The following CCDC12 variants were observed in gnomAD, a reference collection of about 807,000 sequenced individuals.
CCDC12 encodes the protein coiled-coil domain containing 12, also known as coiled-coil domain-containing protein 12.
A neutral mutation model predicts 25.7 loss-of-function variants in CCDC12; 28 were observed. The ratio of observed to expected loss-of-function variants is 1.09; its 90% CI spans 0.81 to 1.50. CCDC12 has a LOEUF of 1.50. Among genes scored for constraint, CCDC12 ranks in the 40% most tolerant of loss-of-function variants. CCDC12 has a pLI of 0.00. For missense variants in CCDC12, 198 were observed against 210.0 expected (o/e 0.94, Z 0.35); for synonymous variants, 75 against 87.7 (o/e 0.86, Z 0.81).
chr3:46,951,571 G>GAGAT (rs1406577955), intron 1 of CCDC12, among the ~76,000 whole-genome samples: 1 of 150,396 alleles, frequency 6.6e-6, no homozygotes, highest in Non-Finnish European at 1.5e-5. Flanking sequence ...ACGAGGTCAG[G>GAGAT]AGATCAAGAC....
chr3:46,932,602 A>G (rs1412093265), intron 2 of CCDC12, among the ~76,000 whole-genome samples: 1 of 152,208 alleles, frequency 6.6e-6, no homozygotes, highest in Middle Eastern at 3.2e-3. Flanking sequence ...CCACACAAAG[A>G]GGACAAGGTC....
chr3:46,957,729 GT>G lies in CCDC12; in HGVS notation c.97-16665del, dbSNP rs552033346. On this transcript the variant is annotated intron_variant, in intron 1 of 6. Coordinates refer to ENST00000683445, the MANE Select transcript of CCDC12 (RefSeq NM_001277074.2). ...GGCCAAGGTGGGTGGATCACCTGAAGTCAGGAGTTCGAGACCAGGCTGGCCA... is the reference window on the plus strand; with the variant it reads ...GGCCAAGGTGGGTGGATCACCTGAAGCAGGAGTTCGAGACCAGGCTGGCCA... 3.4e-3 allele frequency among the ~76,000 whole-genome samples: 521 copies of G among 152,204 alleles called. 4 individuals are homozygous for G. Among genetic ancestry groups the G allele is most frequent in the Middle Eastern group, 0.034 (10 of 294 alleles).
In CCDC12 at chr3:46,943,308, C is replaced by A. The variant is rs1319843236; in HGVS notation, c.97-2243G>T. ...GACTAGCCGATGAAGCAAGCCAGAG[C>A]CTGCAAATTCTAGCAAAAAATTCCT... On this transcript the variant is annotated intron_variant, in intron 1 of 6. Coordinates refer to ENST00000683445, the MANE Select transcript of CCDC12 (RefSeq NM_001277074.2). 2.0e-5 allele frequency among the ~76,000 whole-genome samples: 3 copies of A among 152,176 alleles called. No individual in the cohort carries two copies. In the East Asian group the frequency reaches 5.8e-4, roughly 29 times the overall value.
At position 46,921,829 on chromosome 3, in the gene CCDC12, G is replaced by A; in HGVS notation, c.*228C>T. The stretch of plus-strand genomic sequence containing the variant: ...AGACATATGTACATCCACATGTGCA[G>A]ACACAGGCACGCCCAGAGTTGTTGC... On this transcript the variant is annotated 3_prime_UTR_variant, in exon 7 of 7. Transcript: ENST00000683445. 1 of 593,240 alleles carries A rather than the reference G, an allele frequency of 1.7e-6. No homozygotes were observed. Among genetic ancestry groups the A allele is most frequent in the Non-Finnish European group, 3.0e-6 (1 of 332,302 alleles). 36.7% of individuals were successfully genotyped at this position (593,240 alleles called of 1,614,324 possible).
At chr3:46,933,478 C>G (rs1435930685) in intron 2 of CCDC12, among the ~76,000 whole-genome samples, 1 of 152,212 alleles carries the variant, frequency 6.6e-6, no homozygotes, top group Non-Finnish European at 1.5e-5. Flanking sequence ...CAGCCAACGG[C>G]TGTTCCAGGC....
At chr3:46,925,753 CCT>C in intron 2 of CCDC12, among the ~76,000 whole-genome samples, 1 of 152,330 alleles carries the variant, frequency 6.6e-6, no homozygotes, top group East Asian at 1.9e-4. Context: ...CTCCAGAGGC[CCT>C]GTCTACTCTG....
At chr3:46,936,876 G>GGCA (rs1470662139) in intron 2 of CCDC12, among the ~76,000 whole-genome samples, 1 of 152,200 alleles carries the variant, frequency 6.6e-6, no homozygotes, top group African/African-American at 2.4e-5. Context: ...GACACTCACA[G>GGCA]GCAGCAGGCC....
intron 1 of CCDC12, among the ~76,000 whole-genome samples, chr3:46,949,880 A>G (rs1375516445): frequency 6.6e-6 from 1 of 151,982 alleles, no homozygotes; most frequent in East Asian, 1.9e-4. Flanking sequence ...TACAAAAATT[A>G]GCCGGGCATG....
intron 3 of CCDC12, chr3:46,925,039 G>A (rs1453692865): frequency 3.9e-5 from 14 of 357,424 alleles, no homozygotes; most frequent in Admixed American, 1.1e-4. Context: ...CACACTGCCC[G>A]TCCACTGCTG....
chr3:46,956,112 C>A (rs911444483), intron 1 of CCDC12, among the ~76,000 whole-genome samples: 3 of 152,222 alleles, frequency 2.0e-5, no homozygotes, highest in Admixed American at 6.5e-5. Flanking sequence ...CTTAGGTCTG[C>A]TTTCTGCCTA....
At chr3:46,934,219 G>A (rs542762891) in intron 2 of CCDC12, among the ~76,000 whole-genome samples, 4 of 152,224 alleles carry the variant, frequency 2.6e-5, no homozygotes, top group Non-Finnish European at 5.9e-5. Context: ...TGGGGGACAG[G>A]GGCCTGCATA....
intron 1 of CCDC12, among the ~76,000 whole-genome samples, chr3:46,941,930 G>A (rs1362758770): frequency 2.0e-5 from 3 of 152,250 alleles, no homozygotes; most frequent in African/African-American, 4.8e-5. Context: ...CTAGGCCTAT[G>A]CTATATTCAG....
At chr3:46,975,317 T>A (rs1326639575) in intron 1 of CCDC12, among the ~76,000 whole-genome samples, 1 of 150,830 alleles carries the variant, frequency 6.6e-6, no homozygotes. Flanking sequence ...CCCGAGTAAC[T>A]GGGATTACAG....
intron 2 of CCDC12, among the ~76,000 whole-genome samples, chr3:46,934,296 G>A (rs775789489): frequency 9.2e-5 from 14 of 152,234 alleles, no homozygotes; most frequent in Non-Finnish European, 1.3e-4. Context: ...AGTGGATGGT[G>A]CTCAACCCCA....
Position 46,925,499 on chromosome 3 carries a change from C to G in CCDC12, c.201G>C (p.Glu67Asp), listed in dbSNP as rs1274657737. The change falls in exon 3 of 7, where the codon GAG (glutamate) becomes GAC (aspartate). Residue 67 changes from glutamate (E) to aspartate (D), a missense_variant. Glu to Asp is a conservative substitution (Grantham distance 45). Transcript: ENST00000683445. Reference sequence around the variant, plus strand: ...GGGGCACCCTCCTCTTCTTCAGGTCCTCATCCTCCGGGACATAGTTCCGCA... The same window carrying G: ...GGGGCACCCTCCTCTTCTTCAGGTCGTCATCCTCCGGGACATAGTTCCGCA... ...LRLRNYVPEDEDLKKRRVPQA... is the reference protein window; with the variant it reads ...LRLRNYVPEDDDLKKRRVPQA... The G allele has an allele frequency of 6.2e-7, 1 of 1,605,184 alleles. No homozygotes were observed.
intron 1 of CCDC12, among the ~76,000 whole-genome samples, chr3:46,961,002 T>C (rs1383805635): frequency 9.0e-6 from 1 of 111,656 alleles, no homozygotes; most frequent in African/African-American, 3.6e-5. Context: ...GTGCAGGGAA[T>C]GGGAGGGTGT....
At chr3:46,968,449 T>A (rs2034703352) in intron 1 of CCDC12, among the ~76,000 whole-genome samples, 2 of 152,156 alleles carry the variant, frequency 1.3e-5, no homozygotes, top group African/African-American at 4.8e-5. Flanking sequence ...AGGACAGGCA[T>A]CCACGTTTAT....
In CCDC12 at chr3:46,957,996, C is replaced by CACACACACACACACACACACAT. The variant is rs113627328; in HGVS notation, c.97-16932_97-16931insATGTGTGTGTGTGTGTGTGTGT. Reference sequence around the variant, plus strand: ...ACACACACACACACACACACACACACATATATATGTAAAGCTAATAGAACC... The same window carrying CACACACACACACACACACACAT: ...ACACACACACACACACACACACACACACACACACACACACACACACATATATATATGTAAAGCTAATAGAACC... On this transcript the variant is annotated intron_variant, in intron 1 of 6. Transcript: ENST00000683445. 1.0e-3 allele frequency among the ~76,000 whole-genome samples: 144 copies of CACACACACACACACACACACAT among 142,672 alleles called. 3 individuals are homozygous for CACACACACACACACACACACAT. The highest frequency in any genetic ancestry group is 2.4e-3 in the Admixed American group (35 of 14,312). The allele number at this position is 142,672 out of a possible 152,430, so 93.6% of individuals were successfully genotyped here.
intron 2 of CCDC12, among the ~76,000 whole-genome samples, chr3:46,927,570 G>T (rs1165466071): frequency 5.3e-5 from 8 of 152,144 alleles, no homozygotes; most frequent in Non-Finnish European, 2.9e-5. Flanking sequence ...CAAGAGGCGG[G>T]AGCAGAGCCT....
Sources: allele counts gnomAD v4.1 joint callset (sites outside exome capture counted in the v4.1 genomes callset), GRCh38; gene constraint gnomAD v4.1.1; transcripts MANE v1.5; gene names NCBI Gene and HGNC (gene_info 2026-07-23, HGNC 2026-07-21).